The following LRP1B variants were observed in gnomAD, a reference collection of about 807,000 sequenced individuals.
LRP1B encodes the protein LDL receptor related protein 1B, also known as low-density lipoprotein receptor-related protein 1B.
In LRP1B, 217 loss-of-function variants were observed where a neutral mutation model predicts 556.6. The observed-to-expected ratio is 0.39, with a 90% CI of 0.35 to 0.44. LRP1B has a LOEUF of 0.44. Ranked by LOEUF, LRP1B falls within the 20% of genes least tolerant of loss-of-function variation. The pLI, the probability that LRP1B is intolerant of heterozygous loss-of-function variation, is 1.00. For synonymous variants in LRP1B, 2,047 were observed against 1,865.8 expected (o/e 1.10, Z -2.50); for missense variants, 5,053 against 5,620.8 (o/e 0.90, Z 3.23).
In LRP1B at chr2:142,130,639, TCTC is replaced by T. The variant is rs781568402; in HGVS notation, c.82+6_82+8del. 85 of 1,605,030 alleles carry T rather than the reference TCTC, an allele frequency of 5.3e-5. No individual in the cohort carries two copies. Among genetic ancestry groups the T allele is most frequent in the Non-Finnish European group, 7.2e-5 (84 of 1,174,440 alleles). On this transcript the variant is annotated splice_donor_region_variant and intron_variant, in intron 1 of 90. Transcript: ENST00000389484. ...TCAGGGGAGGGGAGCGGGGAGGTGT[TCTC>T]CTTACCTCGGTCGGCTCCCACGGTC...
intron 2 of LRP1B, among the ~76,000 whole-genome samples, chr2:141,691,108 A>T (rs934198063): frequency 6.6e-6 from 1 of 151,942 alleles, no homozygotes; most frequent in Non-Finnish European, 1.5e-5. Flanking sequence ...GTCAAGAAAG[A>T]GAGTGAGTTA....
intron 21 of LRP1B, among the ~76,000 whole-genome samples, chr2:140,915,856 G>A (rs898847369): frequency 1.2e-4 from 18 of 151,642 alleles, no homozygotes; most frequent in Admixed American, 2.0e-4. Flanking sequence ...GTGAAACCCC[G>A]TCTCTACTGA....
intron 2 of LRP1B, among the ~76,000 whole-genome samples, chr2:141,541,854 G>A (rs575975846): frequency 3.3e-5 from 5 of 151,976 alleles, no homozygotes; most frequent in Non-Finnish European, 5.9e-5. Flanking sequence ...GCATTTCAAA[G>A]AAGTTCTCAT....
At chr2:141,464,505 C>T (rs1573974597) in intron 3 of LRP1B, among the ~76,000 whole-genome samples, 3 of 149,698 alleles carry the variant, frequency 2.0e-5, no homozygotes, top group South Asian at 2.1e-4. Flanking sequence ...CTCTGCCTCC[C>T]GGGTTCACGC....
chr2:140,829,773 C>A (rs1210549335), intron 31 of LRP1B, among the ~76,000 whole-genome samples: 1 of 150,902 alleles, frequency 6.6e-6, no homozygotes, highest in Non-Finnish European at 1.5e-5. Context: ...TGATAAGGAT[C>A]CAAACAGAAA....
intron 2 of LRP1B, among the ~76,000 whole-genome samples, chr2:141,661,693 G>A (rs1359149265): frequency 6.6e-6 from 1 of 152,130 alleles, no homozygotes; most frequent in Non-Finnish European, 1.5e-5. Context: ...AAAAGACAGA[G>A]CCTACAGTTG....
At chr2:141,967,693 A>G (rs141717849) in intron 1 of LRP1B, among the ~76,000 whole-genome samples, 2,597 of 151,982 alleles carry the variant, frequency 0.017, 36 homozygotes, top group South Asian at 0.043. Flanking sequence ...TAAAAATGCA[A>G]TATCAGCTGG....
At chr2:141,806,959 C>T (rs1696186519) in intron 2 of LRP1B, among the ~76,000 whole-genome samples, 1 of 151,958 alleles carries the variant, frequency 6.6e-6, no homozygotes, top group Non-Finnish European at 1.5e-5. Context: ...CTGTTTTTAT[C>T]TAATATTTTG....
intron 82 of LRP1B, among the ~76,000 whole-genome samples, chr2:140,317,289 A>G (rs1337753499): frequency 6.6e-6 from 1 of 152,154 alleles, no homozygotes; most frequent in African/African-American, 2.4e-5. Context: ...GGAGACTCTC[A>G]GAACTTCGTA....
intron 16 of LRP1B, among the ~76,000 whole-genome samples, chr2:140,991,207 T>C (rs183836778): frequency 2.8e-4 from 43 of 152,264 alleles, no homozygotes; most frequent in African/African-American, 1.0e-3. Context: ...ACCAATATTA[T>C]ACATATGCAC....
At chr2:141,719,417 G>T (rs560834452) in intron 2 of LRP1B, among the ~76,000 whole-genome samples, 1 of 152,198 alleles carries the variant, frequency 6.6e-6, no homozygotes, top group East Asian at 1.9e-4. Context: ...ATGTAATAGG[G>T]TTCCAACTCA....
chr2:140,812,295 G>A (rs1450612437), intron 32 of LRP1B, among the ~76,000 whole-genome samples: 6 of 151,976 alleles, frequency 3.9e-5, no homozygotes, highest in Admixed American at 1.3e-4. Flanking sequence ...TTGTGATATA[G>A]GCAGATATTT....
At chr2:141,901,217 C>T (rs1190318375) in intron 1 of LRP1B, among the ~76,000 whole-genome samples, 1 of 151,936 alleles carries the variant, frequency 6.6e-6, no homozygotes, top group Non-Finnish European at 1.5e-5. Context: ...ATAGATTCTA[C>T]CAACACATAG....
intron 1 of LRP1B, among the ~76,000 whole-genome samples, chr2:141,872,503 G>T (rs2105801810): frequency 6.6e-6 from 1 of 151,596 alleles, no homozygotes; most frequent in East Asian, 2.0e-4. Flanking sequence ...ATGTAAAATT[G>T]GTTTCCTTAA....
At chr2:141,125,633 C>T (rs1701183043) in intron 7 of LRP1B, among the ~76,000 whole-genome samples, 1 of 152,114 alleles carries the variant, frequency 6.6e-6, no homozygotes, top group South Asian at 2.1e-4. Context: ...TATGCTCTAG[C>T]TAAGAACTAG....
intron 20 of LRP1B, among the ~76,000 whole-genome samples, chr2:140,945,069 C>A (rs79896730): frequency 0.036 from 5,508 of 152,108 alleles, 147 homozygotes; most frequent in South Asian, 0.096. Flanking sequence ...GATACAAAGG[C>A]AACATACAAA....
intron 2 of LRP1B, among the ~76,000 whole-genome samples, chr2:141,642,576 T>C (rs568853643): frequency 1.3e-5 from 2 of 152,244 alleles, no homozygotes; most frequent in South Asian, 2.1e-4. Flanking sequence ...CACTTGGAAA[T>C]GGATATTTTC....
intron 2 of LRP1B, among the ~76,000 whole-genome samples, chr2:141,590,452 G>C (rs891715825): frequency 6.6e-6 from 1 of 152,118 alleles, no homozygotes; most frequent in Non-Finnish European, 1.5e-5. Flanking sequence ...GTGTTGCAGA[G>C]AGACGGAAGA....
intron 41 of LRP1B, among the ~76,000 whole-genome samples, chr2:140,637,343 A>C (rs1574173666): frequency 1.3e-5 from 2 of 152,204 alleles, no homozygotes; most frequent in East Asian, 3.9e-4. Flanking sequence ...TAGTCAACAT[A>C]ACTGGTAATT....
Sources: gnomAD v4.1 joint callset for allele counts (sites outside exome capture counted in the v4.1 genomes callset) on GRCh38, gnomAD v4.1.1 for gene constraint, MANE v1.5 for transcripts, NCBI Gene and HGNC (gene_info 2026-07-23, HGNC 2026-07-21) for gene names.